The following RORB variants were observed in gnomAD, a reference collection of about 807,000 sequenced individuals.
The protein encoded by RORB is nuclear receptor ROR-beta.
A neutral mutation model predicts 59.1 loss-of-function variants in RORB; 6 were observed. The ratio of observed to expected loss-of-function variants is 0.10; its 90% CI spans 0.06 to 0.20. The LOEUF is 0.20. Among genes scored for constraint, RORB ranks in the 10% least tolerant of loss-of-function variants. The pLI is 1.00. For synonymous variants in RORB, 215 were observed against 204.5 expected (o/e 1.05, Z -0.44); for missense variants, 320 against 560.5 (o/e 0.57, Z 4.33).
intron 1 of RORB, among the ~76,000 whole-genome samples, chr9:74,608,563 CAA>C (rs34028088): frequency 6.3e-5 from 8 of 127,256 alleles, no homozygotes; most frequent in Admixed American, 8.1e-5. Flanking sequence ...GACTCCGTCT[CAA>C]AAAAAAAAAA....
chr9:74,613,140 G>A (rs1474848749), intron 1 of RORB, among the ~76,000 whole-genome samples: 1 of 152,072 alleles, frequency 6.6e-6, no homozygotes, highest in Non-Finnish European at 1.5e-5. Flanking sequence ...GATGAACAAA[G>A]GCATGAAGAT....
At chr9:74,603,866 A>T (rs781466892) in intron 1 of RORB, among the ~76,000 whole-genome samples, 15 of 152,350 alleles carry the variant, frequency 9.8e-5, no homozygotes, top group Non-Finnish European at 2.1e-4. Flanking sequence ...GGGTGGGCTA[A>T]GCGGACTGTG....
chr9:74,685,451 T>C lies in RORB; in HGVS notation c.1225-12T>C, dbSNP rs770063031. 1 of 1,598,690 alleles carries C rather than the reference T, an allele frequency of 6.3e-7. No individual in the cohort carries two copies. Among genetic ancestry groups the C allele is most frequent in the Non-Finnish European group, 8.5e-7 (1 of 1,169,628 alleles). ...CCCTCTCTATCTCCCTCTCTGTCTCTCCGTTCTGCAGTTAATAGCCAAGAT... is the reference window on the plus strand; with the variant it reads ...CCCTCTCTATCTCCCTCTCTGTCTCCCCGTTCTGCAGTTAATAGCCAAGAT... On this transcript the variant is annotated splice_polypyrimidine_tract_variant and intron_variant, in intron 9 of 9. Transcript: ENST00000376896.
In RORB at chr9:74,648,106, CAGAT is replaced by C. The variant is rs530403291; in HGVS notation, c.637+5295_637+5298del. Among the ~76,000 whole-genome samples the C allele has an allele frequency of 6.8e-4, 104 of 152,292 alleles. 1 individual carries two copies. Among genetic ancestry groups the C allele is most frequent in the Non-Finnish European group, 1.3e-3 (90 of 68,016 alleles). ...GTAACTGTCCGATACATCATTAAAA[CAGAT>C]AGAAGTAGACCAAACTTGCAAGAAA... On this transcript the variant is annotated intron_variant, in intron 4 of 9. Coordinates refer to ENST00000376896, the MANE Select transcript of RORB (RefSeq NM_006914.4).
intron 1 of RORB, among the ~76,000 whole-genome samples, chr9:74,529,211 C>T (rs988502547): frequency 6.6e-6 from 1 of 151,586 alleles, no homozygotes; most frequent in Non-Finnish European, 1.5e-5. Context: ...TATTAAAACC[C>T]AAGGACTTCT....
In RORB at chr9:74,544,274, GA is replaced by G. The variant is rs1283338243; in HGVS notation, c.7+46295del. 1.1e-4 allele frequency among the ~76,000 whole-genome samples: 16 copies of G among 152,246 alleles called. No individual in the cohort carries two copies. In the East Asian group the frequency reaches 2.9e-3, roughly 28 times the overall value. ...GCTATCTGGTCACATGACGGAGGCT[GA>G]AAAGGCAAAGTAAAGCAAGCCCTCT... On this transcript the variant is annotated intron_variant, in intron 1 of 9. Transcript: ENST00000376896.
At position 74,687,313 on chromosome 9, in the gene RORB, C is replaced by T; in HGVS notation, c.*1695C>T. 6.6e-6 allele frequency: 1 copy of T among 151,994 alleles called. No individual in the cohort carries two copies. The highest frequency in any genetic ancestry group is 1.5e-5 in the Non-Finnish European group (1 of 67,914). 9.4% of individuals were successfully genotyped at this position (151,994 alleles called of 1,614,324 possible). The stretch of plus-strand genomic sequence containing the variant: ...TCCATATTAAACACACACACACTTA[C>T]ACACACACACATACAAACCCCTGCT... On this transcript the variant is annotated 3_prime_UTR_variant, in exon 10 of 10. Coordinates refer to ENST00000376896, the MANE Select transcript of RORB (RefSeq NM_006914.4).
At chr9:74,499,480 A>G (rs908155571) in intron 1 of RORB, among the ~76,000 whole-genome samples, 2 of 152,108 alleles carry the variant, frequency 1.3e-5, no homozygotes, top group Non-Finnish European at 2.9e-5. Flanking sequence ...GAGACTGTCC[A>G]TGGGGGAGGG....
intron 1 of RORB, among the ~76,000 whole-genome samples, chr9:74,560,247 C>T (rs1022937820): frequency 6.6e-6 from 1 of 152,154 alleles, no homozygotes; most frequent in Non-Finnish European, 1.5e-5. Context: ...GTTCATGTTG[C>T]AAGTCACGAC....
intron 1 of RORB, among the ~76,000 whole-genome samples, chr9:74,549,571 A>C: frequency 2.4e-5 from 1 of 41,844 alleles, no homozygotes; most frequent in East Asian, 2.7e-4. Flanking sequence ...GAAGGAAGGA[A>C]GGAAGGAAGG....
At chr9:74,541,631 T>A (rs755052700) in intron 1 of RORB, among the ~76,000 whole-genome samples, 4 of 152,228 alleles carry the variant, frequency 2.6e-5, no homozygotes, top group Non-Finnish European at 5.9e-5. Context: ...ATAATGTTGA[T>A]GTGTGTTTAA....
intron 1 of RORB, among the ~76,000 whole-genome samples, chr9:74,525,952 T>G (rs556048242): frequency 1.3e-5 from 2 of 152,012 alleles, no homozygotes; most frequent in South Asian, 4.1e-4. Context: ...AAATGACTAG[T>G]TAGAAAATAC....
intron 1 of RORB, among the ~76,000 whole-genome samples, chr9:74,503,925 GTTATAACGGCAT>G (rs1825835438): frequency 6.6e-6 from 1 of 152,014 alleles, no homozygotes; most frequent in Non-Finnish European, 1.5e-5. Context: ...AACCACAGGT[GTTATAACGGCAT>G]TTATAGTGAA....
chr9:74,531,161 A>G (rs1368422647), intron 1 of RORB, among the ~76,000 whole-genome samples: 1 of 151,992 alleles, frequency 6.6e-6, no homozygotes, highest in Non-Finnish European at 1.5e-5. Context: ...TTAAATAGTT[A>G]TCAGTCAGCA....
chr9:74,662,650 T>TG, intron 6 of RORB, 44 bp downstream of exon 6: 1 of 1,602,786 alleles, frequency 6.2e-7, no homozygotes, highest in South Asian at 1.1e-5. Context: ...GATAAGGATG[T>TG]GGTCAGCCCT....
At chr9:74,543,327 G>C (rs1367641025) in intron 1 of RORB, among the ~76,000 whole-genome samples, 1 of 152,180 alleles carries the variant, frequency 6.6e-6, no homozygotes, top group African/African-American at 2.4e-5. Flanking sequence ...GGACGGTGTG[G>C]AACACCCCTT....
At chr9:74,565,533 G>T (rs146285526) in intron 1 of RORB, among the ~76,000 whole-genome samples, 2 of 152,094 alleles carry the variant, frequency 1.3e-5, no homozygotes, top group African/African-American at 4.8e-5. Flanking sequence ...AGATCAAAGT[G>T]GTTTTGTTTA....
intron 1 of RORB, chr9:74,499,256 G>A (rs1218887941): frequency 6.6e-6 from 1 of 152,578 alleles, no homozygotes; most frequent in East Asian, 1.9e-4. Flanking sequence ...GGGAGCACTT[G>A]GGAGAGTTGG....
At chr9:74,645,069 C>A (rs189844918) in intron 4 of RORB, among the ~76,000 whole-genome samples, 7 of 152,252 alleles carry the variant, frequency 4.6e-5, no homozygotes, top group Admixed American at 3.9e-4. Flanking sequence ...CTTTAGATAT[C>A]TTTAAATATG....
Sources: allele counts gnomAD v4.1 joint callset (sites outside exome capture counted in the v4.1 genomes callset), GRCh38; gene constraint gnomAD v4.1.1; transcripts MANE v1.5; gene names NCBI Gene and HGNC (gene_info 2026-07-23, HGNC 2026-07-21).